Variants in CSMD1 observed in about 807,000 individuals in gnomAD.
CSMD1 encodes the protein CUB and sushi domain-containing protein 1.
In CSMD1, 213 loss-of-function variants were observed where a neutral mutation model predicts 417.5. That is an observed-to-expected ratio of 0.51 (90% confidence interval 0.46 to 0.57). The LOEUF (loss-of-function observed/expected upper bound fraction) is 0.57. Among genes scored for constraint, CSMD1 ranks in the 20% least tolerant of loss-of-function variants. The pLI is 0.00. For synonymous variants in CSMD1, 2,862 were observed against 1,736.8 expected, an observed-to-expected ratio of 1.65 and a Z score of -16.11; for missense variants, 6,923 against 4,529.7, an observed-to-expected ratio of 1.53 and a Z score of -15.17.
At chr8:4,860,658 A>G (rs964927450) in intron 1 of CSMD1, among the ~76,000 whole-genome samples, 3 of 152,080 alleles carry the variant, frequency 2.0e-5, no homozygotes, top group Non-Finnish European at 2.9e-5. Flanking sequence ...ATACAGCCTA[A>G]CACACCTACT....
chr8:3,253,630 G>A (rs1800433975), intron 26 of CSMD1, among the ~76,000 whole-genome samples: 2 of 152,274 alleles, frequency 1.3e-5, no homozygotes, highest in Middle Eastern at 6.8e-3. Context: ...AGAGTGGGTT[G>A]TTAAAGTCTG....
chr8:3,813,516 A>T (rs1801201465), intron 5 of CSMD1, among the ~76,000 whole-genome samples: 1 of 152,206 alleles, frequency 6.6e-6, no homozygotes, highest in South Asian at 2.1e-4. Context: ...TGGCGTGAAT[A>T]TGAAGACTGA....
At chr8:4,687,286 A>C (rs1182672761) in intron 1 of CSMD1, among the ~76,000 whole-genome samples, 1 of 152,224 alleles carries the variant, frequency 6.6e-6, no homozygotes, top group East Asian at 1.9e-4. Context: ...AAGGAGCCTT[A>C]CTGAGGACAG....
At chr8:4,047,186 C>T (rs1798191162) in intron 3 of CSMD1, among the ~76,000 whole-genome samples, 1 of 152,126 alleles carries the variant, frequency 6.6e-6, no homozygotes, top group Non-Finnish European at 1.5e-5. Flanking sequence ...TGTGCTGGGC[C>T]AGATGCTCTG....
intron 3 of CSMD1, among the ~76,000 whole-genome samples, chr8:4,173,794 T>G (rs78351453): frequency 6.6e-6 from 1 of 152,052 alleles, no homozygotes; most frequent in Non-Finnish European, 1.5e-5. Context: ...CAAAAGTTAG[T>G]GGTGAGGTGC....
Position 4,978,913 on chromosome 8 carries a change from G to A in CSMD1, c.85+15419C>T, listed in dbSNP as rs1810717329. ...AGATTGTGCCACTGCACTCCAGCCT[G>A]GGCGACAGAGCTATTGGGAACAGTC... On this transcript the variant is annotated intron_variant, in intron 1 of 69. Coordinates refer to ENST00000635120, the MANE Select transcript of CSMD1 (RefSeq NM_033225.6). 2.0e-5 allele frequency among the ~76,000 whole-genome samples: 3 copies of A among 152,206 alleles called. No individual in the cohort carries two copies. The South Asian group carries it at 6.2e-4, about 31-fold the overall frequency.
chr8:3,990,972 G>A (rs1164259536), intron 5 of CSMD1, among the ~76,000 whole-genome samples: 3 of 152,152 alleles, frequency 2.0e-5, no homozygotes, highest in African/African-American at 7.2e-5. Context: ...AAGGACAGGA[G>A]AGAAAATGTG....
At chr8:4,250,535 C>A (rs755349567) in intron 3 of CSMD1, among the ~76,000 whole-genome samples, 5 of 152,112 alleles carry the variant, frequency 3.3e-5, no homozygotes, top group African/African-American at 4.8e-5. Flanking sequence ...CCCATGAAGT[C>A]AACCCTCAAA....
At chr8:4,518,746 C>A in intron 2 of CSMD1, among the ~76,000 whole-genome samples, 1 of 148,422 alleles carries the variant, frequency 6.7e-6, no homozygotes, top group African/African-American at 2.5e-5. Flanking sequence ...GCGCATGTAC[C>A]CTAAAACTTA....
intron 3 of CSMD1, among the ~76,000 whole-genome samples, chr8:4,205,226 C>G (rs992558782): frequency 2.0e-5 from 3 of 152,150 alleles, no homozygotes; most frequent in African/African-American, 7.2e-5. Flanking sequence ...TGGTAGAACT[C>G]TATTTCAAAT....
At chr8:3,508,370 G>C (rs1395129571) in intron 10 of CSMD1, among the ~76,000 whole-genome samples, 3 of 151,706 alleles carry the variant, frequency 2.0e-5, no homozygotes, top group Non-Finnish European at 4.4e-5. Context: ...GGCAGGGGGA[G>C]GGGGGAGGGA....
chr8:3,835,748 G>T (rs913063509), intron 5 of CSMD1, among the ~76,000 whole-genome samples: 2 of 151,578 alleles, frequency 1.3e-5, no homozygotes, highest in African/African-American at 4.8e-5. Flanking sequence ...AATTTGGATG[G>T]CTCCACCCTT....
chr8:3,326,430 G>A (rs956301112), intron 23 of CSMD1, among the ~76,000 whole-genome samples: 3 of 152,180 alleles, frequency 2.0e-5, no homozygotes, highest in African/African-American at 7.2e-5. Flanking sequence ...TGAAACAGAC[G>A]AAGGTATGAG....
intron 1 of CSMD1, among the ~76,000 whole-genome samples, chr8:4,981,071 T>A (rs924285459): frequency 6.6e-6 from 1 of 152,242 alleles, no homozygotes; most frequent in African/African-American, 2.4e-5. Flanking sequence ...AACACCATGA[T>A]GCGTGCATCT....
intron 5 of CSMD1, among the ~76,000 whole-genome samples, chr8:3,879,147 T>C (rs967450969): frequency 3.3e-5 from 5 of 152,296 alleles, no homozygotes; most frequent in South Asian, 4.1e-4. Flanking sequence ...GTTTTATTAG[T>C]ACTATCAAAG....
chr8:4,215,594 G>A (rs776262565), intron 3 of CSMD1, among the ~76,000 whole-genome samples: 3 of 151,678 alleles, frequency 2.0e-5, no homozygotes, highest in South Asian at 2.1e-4. Context: ...ATTTATACAT[G>A]AAATATGCAA....
chr8:3,504,640 C>T (rs1019047835), intron 10 of CSMD1, among the ~76,000 whole-genome samples: 12 of 152,212 alleles, frequency 7.9e-5, no homozygotes, highest in South Asian at 2.1e-4. Flanking sequence ...TCTGACTCTG[C>T]AATTTCTAAC....
chr8:4,071,315 T>C (rs1347265893), intron 3 of CSMD1, among the ~76,000 whole-genome samples: 1 of 152,196 alleles, frequency 6.6e-6, no homozygotes, highest in Non-Finnish European at 1.5e-5. Context: ...ACTGATTAGA[T>C]AATTTCCATT....
At chr8:3,730,390 C>T (rs1157235899) in intron 6 of CSMD1, among the ~76,000 whole-genome samples, 3 of 35,538 alleles carry the variant, frequency 8.4e-5, no homozygotes, top group South Asian at 1.2e-3. Context: ...TTTTTTTGCC[C>T]TGTGTCTGAT....
Sources: gnomAD v4.1 joint callset for allele counts (sites outside exome capture counted in the v4.1 genomes callset) on GRCh38, gnomAD v4.1.1 for gene constraint, MANE v1.5 for transcripts, NCBI Gene and HGNC (gene_info 2026-07-23, HGNC 2026-07-21) for gene names.